Variants in CDH2 observed in about 807,000 individuals in gnomAD.
CDH2 encodes cadherin 2, also known as cadherin-2.
In CDH2, 17 loss-of-function variants were observed where a neutral mutation model predicts 92.0. The ratio of observed to expected loss-of-function variants is 0.18; its 90% confidence interval spans 0.13 to 0.28. The LOEUF is 0.28. CDH2 is among the 10% of genes least tolerant of loss of function. The pLI, the probability that CDH2 is intolerant of heterozygous loss-of-function variation, is 1.00. For synonymous variants in CDH2, 419 were observed against 415.9 expected (o/e 1.01, Z -0.09); for missense variants, 862 against 1,133.1 (o/e 0.76, Z 3.44).
At chr18:28,163,331 A>G (rs2016333449) in intron 1 of CDH2, among the ~76,000 whole-genome samples, 1 of 152,216 alleles carries the variant, frequency 6.6e-6, no homozygotes, top group Non-Finnish European at 1.5e-5. Context: ...AAACATGCAT[A>G]CCTTGCAATC....
intron 2 of CDH2, among the ~76,000 whole-genome samples, chr18:28,080,984 G>A (rs917089721): frequency 9.2e-5 from 14 of 152,124 alleles, no homozygotes; most frequent in African/African-American, 3.1e-4. Flanking sequence ...CCAGAAGCAA[G>A]CAGCCCACTG....
intron 2 of CDH2, among the ~76,000 whole-genome samples, chr18:28,030,841 C>T (rs1567971618): frequency 6.6e-6 from 1 of 151,994 alleles, no homozygotes; most frequent in East Asian, 1.9e-4. Context: ...ACAAAAAAAT[C>T]AATAACCAGA....
chr18:28,126,214 A>G (rs1458491835), intron 2 of CDH2, among the ~76,000 whole-genome samples: 1 of 152,230 alleles, frequency 6.6e-6, no homozygotes, highest in Non-Finnish European at 1.5e-5. Flanking sequence ...TTCGCTATAT[A>G]TTATTACCAA....
intron 2 of CDH2, among the ~76,000 whole-genome samples, chr18:28,066,315 G>A (rs17494255): frequency 6.6e-6 from 1 of 152,094 alleles, no homozygotes; most frequent in African/African-American, 2.4e-5. Flanking sequence ...ATTTCATAAA[G>A]AGAAACACTG....
intron 1 of CDH2, among the ~76,000 whole-genome samples, chr18:28,162,001 T>G (rs931638658): frequency 2.6e-5 from 4 of 152,186 alleles, no homozygotes; most frequent in Admixed American, 2.6e-4. Flanking sequence ...TAACTAAATC[T>G]GAGATGTGAA....
intron 2 of CDH2, among the ~76,000 whole-genome samples, chr18:28,127,791 T>C (rs911224075): frequency 6.6e-6 from 1 of 152,228 alleles, no homozygotes; most frequent in Non-Finnish European, 1.5e-5. Flanking sequence ...ATGTGTGACA[T>C]TTCTTGCATT....
At chr18:28,003,880 A>G (rs2144012561) in intron 6 of CDH2, among the ~76,000 whole-genome samples, 1 of 152,338 alleles carries the variant, frequency 6.6e-6, no homozygotes, top group Admixed American at 6.5e-5. Flanking sequence ...AAGTAGAGTG[A>G]GAAGTAGTTA....
chr18:28,111,511 G>A (rs1406871098), intron 2 of CDH2, among the ~76,000 whole-genome samples: 3 of 152,148 alleles, frequency 2.0e-5, no homozygotes, highest in East Asian at 1.9e-4. Context: ...TCTTAGAAAC[G>A]ATCTATCCAA....
At chr18:27,946,603 T>A (rs1909273398), downstream of CDH2, among the ~76,000 whole-genome samples, 1 of 151,998 alleles carries the variant, frequency 6.6e-6, no homozygotes, top group Non-Finnish European at 1.5e-5. Context: ...CATTGTGATG[T>A]ATATAATCCA....
intron 2 of CDH2, among the ~76,000 whole-genome samples, chr18:28,136,556 T>C (rs2015865712): frequency 6.6e-6 from 1 of 152,210 alleles, no homozygotes; most frequent in African/African-American, 2.4e-5. Context: ...AGACATGTTC[T>C]GATCAATTGT....
intron 2 of CDH2, among the ~76,000 whole-genome samples, chr18:28,105,860 T>C (rs2015311952): frequency 6.6e-6 from 1 of 152,380 alleles, no homozygotes; most frequent in Non-Finnish European, 1.5e-5. Context: ...AATGGGTTTC[T>C]GGTAAACTAC....
intron 6 of CDH2, among the ~76,000 whole-genome samples, chr18:27,945,116 C>A (rs1448947009): frequency 6.6e-6 from 1 of 151,856 alleles, no homozygotes; most frequent in African/African-American, 2.4e-5. Context: ...TTCCACCCAC[C>A]CAGTGCTTAA....
intron 2 of CDH2, among the ~76,000 whole-genome samples, chr18:28,051,949 T>G (rs935852120): frequency 1.3e-5 from 2 of 152,170 alleles, no homozygotes; most frequent in Non-Finnish European, 2.9e-5. Flanking sequence ...GCCACGCATG[T>G]TTTATATATC....
At chr18:27,953,982 A>T (rs991119848) in intron 15 of CDH2, among the ~76,000 whole-genome samples, 3 of 152,208 alleles carry the variant, frequency 2.0e-5, no homozygotes, top group Non-Finnish European at 2.9e-5. Context: ...CACGTCAAAA[A>T]TCAGAGAAAA....
intron 2 of CDH2, among the ~76,000 whole-genome samples, chr18:28,098,788 CA>C (rs1341666316): frequency 6.6e-6 from 1 of 152,094 alleles, no homozygotes; most frequent in African/African-American, 2.4e-5. Context: ...TCTACTTGTT[CA>C]TTCTCAGGTG....
intron 2 of CDH2, among the ~76,000 whole-genome samples, chr18:28,103,421 G>T (rs1445058105): frequency 7.4e-6 from 1 of 135,052 alleles, no homozygotes; most frequent in Non-Finnish European, 1.5e-5. Context: ...TATATATAAA[G>T]TATACATATA....
chr18:27,948,107 G>T (rs932160116), downstream of CDH2, among the ~76,000 whole-genome samples: 1 of 145,054 alleles, frequency 6.9e-6, no homozygotes, highest in East Asian at 2.1e-4. Context: ...TTTAACAAGC[G>T]GTGTTTGGAA....
At chr18:27,944,880 G>A (rs987225540) in intron 6 of CDH2, among the ~76,000 whole-genome samples, 3 of 151,004 alleles carry the variant, frequency 2.0e-5, no homozygotes, top group Non-Finnish European at 4.4e-5. Context: ...TCATGCCACC[G>A]CACTCCAGAT....
intron 2 of CDH2, among the ~76,000 whole-genome samples, chr18:28,144,117 AACAAACCTGC>A: frequency 6.6e-6 from 1 of 152,062 alleles, no homozygotes; most frequent in East Asian, 1.9e-4. Context: ...ATACTTATGT[AACAAACCTGC>A]ACGTTCTGCA....
Sources: gnomAD v4.1 joint callset for allele counts (sites outside exome capture counted in the v4.1 genomes callset) on GRCh38, gnomAD v4.1.1 for gene constraint, MANE v1.5 for transcripts, NCBI Gene and HGNC (gene_info 2026-07-23, HGNC 2026-07-21) for gene names.